Variants in SPDYE17 observed in about 807,000 individuals in gnomAD.
The protein encoded by SPDYE17 is speedy/RINGO cell cycle regulator family member E17, also known as speedy protein E17.
For missense variants in SPDYE17, 7 were observed against 38.0 expected (o/e 0.18, Z 2.15); for synonymous variants, 4 against 14.8 (o/e 0.27, Z 1.68).
Position 77,029,799 on chromosome 7 carries a change from C to T in SPDYE17, c.131-348G>A, listed in dbSNP as rs1430056371. 4.0e-4 allele frequency among the ~76,000 whole-genome samples: 50 copies of T among 124,730 alleles called. 6 individuals carry two copies. The highest frequency in any genetic ancestry group is 1.3e-3 in the African/African-American group (46 of 34,518). The allele number at this position is 124,730 out of a possible 152,430, so 81.8% of individuals were successfully genotyped here. A position where few individuals can be genotyped will look rare whatever the true frequency, so the allele number is the denominator to read the frequency against. ...TCAGCTCACTGCAACATCCATCTCC[C>T]GGATTCCATTTATTCTCCTGCCTCA... On this transcript the variant is annotated intron_variant, in intron 2 of 7. Coordinates refer to ENST00000671986, the MANE Select transcript of SPDYE17 (RefSeq NM_001351351.3).
intron 4 of SPDYE17, 122 bp downstream of exon 4, chr7:77,028,018 CAA>C (rs532664858): frequency 1.5e-6 from 1 of 660,616 alleles, no homozygotes; most frequent in Non-Finnish European, 2.2e-6. Flanking sequence ...AAAACAAAAA[CAA>C]AAAAAAACTG....
rs1216307298 is a variant in SPDYE17, at chr7:77,029,903, C to T, written c.131-452G>A. 1.6e-5 allele frequency among the ~76,000 whole-genome samples: 2 copies of T among 124,808 alleles called. 1 individual carries two copies. The highest frequency in any genetic ancestry group is 2.0e-4 in the Admixed American group (2 of 9,946). 81.9% of individuals were successfully genotyped at this position (124,808 alleles called of 152,430 possible). On this transcript the variant is annotated intron_variant, in intron 2 of 7. Transcript: ENST00000671986. ...TGTACTTTTAATAGAGACAGGGTTT[C>T]ACCATGTTGGCCAGGCTGGTCTCAA...
rs1359019426 is a variant in SPDYE17, at chr7:77,027,636, C to T, written c.408+506G>A. Among the ~76,000 whole-genome samples the T allele has an allele frequency of 3.5e-4, 29 of 82,424 alleles. 8 individuals carry two copies. The highest frequency in any genetic ancestry group is 3.4e-3 in the South Asian group (7 of 2,082). 54.1% of individuals were successfully genotyped at this position (82,424 alleles called of 152,430 possible). On this transcript the variant is annotated intron_variant, in intron 4 of 7. Coordinates refer to ENST00000671986, the MANE Select transcript of SPDYE17 (RefSeq NM_001351351.3). ...AGTGAGCTATGATCATGCCACTGTA[C>T]TCCATCCTGGGGAGCAGAGCTGGAC... is the stretch of plus-strand genomic sequence containing the variant.
rs1382449174 is a variant in SPDYE17, at chr7:77,032,241, T to C, written c.-455A>G. 2.5e-5 allele frequency among the ~76,000 whole-genome samples: 3 copies of C among 122,248 alleles called. 1 individual carries two copies. Among genetic ancestry groups the C allele is most frequent in the Admixed American group, 2.0e-4 (2 of 10,134 alleles). The allele number at this position is 122,248 out of a possible 152,430, so 80.2% of individuals were successfully genotyped here. A position where few individuals can be genotyped will look rare whatever the true frequency, so the allele number is the denominator to read the frequency against. On this transcript the variant is annotated splice_region_variant and 5_prime_UTR_variant, in exon 1 of 8. Transcript: ENST00000671986. ...AAAAAAAAAACAAACAAAAAGAACC[T>C]GTGGATGAGTTCCCACATGGCTTCC...
rs1554337099 is a variant in SPDYE17, at chr7:77,032,222, A to AAAC, written c.-454+17_-454+18insGTT. On this transcript the variant is annotated intron_variant, in intron 1 of 7. Transcript: ENST00000671986. ...CAAAACTACATCTCAAAAAAAAAAA[A>AAAC]AAACAAACAAAAAGAACCTGTGGAT... Among the ~76,000 whole-genome samples the AAAC allele has an allele frequency of 1.2e-4, 14 of 119,272 alleles. No individual in the cohort carries two copies. Among genetic ancestry groups the AAAC allele is most frequent in the African/African-American group, 3.2e-4 (10 of 31,136 alleles). 78.2% of individuals were successfully genotyped at this position (119,272 alleles called of 152,430 possible).
intron 5 of SPDYE17, among the ~76,000 whole-genome samples, chr7:77,026,579 G>A (rs1789436740): frequency 2.0e-5 from 3 of 149,670 alleles, no homozygotes; most frequent in South Asian, 4.3e-4. Context: ...AACCGGAAAC[G>A]TCTGCTTGCT....
rs2117274746 is a variant in SPDYE17 at position 77,022,582 on chromosome 7, A to G, written c.*1251T>C. ...GTAATATATATGTTAACTAAGTATC[A>G]TAGATAAAAACCATGCTCCCTTCAG... On this transcript the variant is annotated 3_prime_UTR_variant, in exon 8 of 8. Coordinates refer to ENST00000671986, the MANE Select transcript of SPDYE17 (RefSeq NM_001351351.3). Among the ~76,000 whole-genome samples, 3 of 83,126 alleles carry G rather than the reference A, an allele frequency of 3.6e-5. 1 individual carries two copies. The Middle Eastern group carries it at 0.019, about 526-fold the overall frequency. The allele number at this position is 83,126 out of a possible 152,430, so 54.5% of individuals were successfully genotyped here.
At chr7:77,026,575 A>T (rs1305608825) in intron 5 of SPDYE17, among the ~76,000 whole-genome samples, 1 of 149,630 alleles carries the variant, frequency 6.7e-6, no homozygotes, top group African/African-American at 2.5e-5. Flanking sequence ...GAACAACCGG[A>T]AACGTCTGCT....
At chr7:77,028,038 A>G (rs1789462394) in intron 4 of SPDYE17, 104 bp downstream of exon 4, 3 of 846,928 alleles carry the variant, frequency 3.5e-6, no homozygotes, top group South Asian at 1.8e-5. Context: ...CTGTAGGAGC[A>G]TCTGGTGGGA....
chr7:77,026,457 T>C (rs1789433828), intron 5 of SPDYE17, among the ~76,000 whole-genome samples: 1 of 148,952 alleles, frequency 6.7e-6, no homozygotes, highest in South Asian at 2.2e-4. Flanking sequence ...CAGGGAGCAT[T>C]TGACAGTGGA....
chr7:77,029,976 G>A (rs1411354628), intron 2 of SPDYE17, among the ~76,000 whole-genome samples: 1 of 122,912 alleles, frequency 8.1e-6, no homozygotes, highest in African/African-American at 3.0e-5. Flanking sequence ...CAAAGTGCTG[G>A]GATTACAAGT....
rs1789463397 is a variant in SPDYE17 at position 77,028,106 on chromosome 7, A to G, written c.408+36T>C. 1.8e-5 allele frequency: 25 copies of G among 1,380,368 alleles called. 5 individuals carry two copies. In the Admixed American group the frequency reaches 4.8e-4, roughly 26 times the overall value. 85.5% of individuals were successfully genotyped at this position (1,380,368 alleles called of 1,614,324 possible). A position where few individuals can be genotyped will look rare whatever the true frequency, so the allele number is the denominator to read the frequency against. On this transcript the variant is annotated intron_variant, in intron 4 of 7. Transcript: ENST00000671986. Reference sequence around the variant, plus strand: ...TGCGCCCTCTCCCTGGCCGTGCGTTAGAACAGGAACACAGTTACATAGAGA... The same window carrying G: ...TGCGCCCTCTCCCTGGCCGTGCGTTGGAACAGGAACACAGTTACATAGAGA...
chr7:77,023,117 C>A lies in SPDYE17; in HGVS notation c.*716G>T. Among the ~76,000 whole-genome samples the A allele has an allele frequency of 1.7e-5, 1 of 57,258 alleles. No individual in the cohort carries two copies. Among genetic ancestry groups the A allele is most frequent in the Non-Finnish European group, 3.8e-5 (1 of 26,092 alleles). 37.6% of individuals were successfully genotyped at this position (57,258 alleles called of 152,430 possible). On this transcript the variant is annotated 3_prime_UTR_variant, in exon 8 of 8. Transcript: ENST00000671986. Reference sequence around the variant, plus strand: ...ATAAAAAGAGTGCTCGCTTCAGGAGCACATATAATAATACAGAAAAAAATT... The same window carrying A: ...ATAAAAAGAGTGCTCGCTTCAGGAGAACATATAATAATACAGAAAAAAATT...
In SPDYE17 at chr7:77,032,343, C is replaced by CTATGGAAGTCCCATTGT. The variant is rs1789502150; in HGVS notation, c.-574_-558dup. Among the ~76,000 whole-genome samples the CTATGGAAGTCCCATTGT allele has an allele frequency of 7.5e-6, 1 of 133,814 alleles. No homozygotes were observed. The highest frequency in any genetic ancestry group is 2.9e-4 in the South Asian group (1 of 3,500). The allele number at this position is 133,814 out of a possible 152,430, so 87.8% of individuals were successfully genotyped here. On this transcript the variant is annotated 5_prime_UTR_variant, in exon 1 of 8. The change creates a new upstream start codon in the 5' untranslated region. Coordinates refer to ENST00000671986, the MANE Select transcript of SPDYE17 (RefSeq NM_001351351.3). ...CTGAATGCGGAAGGAAATCCCATTG[C>CTATGGAAGTCCCATTGT]TATGGAAGTCCCATTGTTAGGAAGC... is the stretch of plus-strand genomic sequence containing the variant.
At chr7:77,025,983 C>T (rs1583954621) in intron 5 of SPDYE17, among the ~76,000 whole-genome samples, 1 of 136,708 alleles carries the variant, frequency 7.3e-6, no homozygotes, top group South Asian at 2.4e-4. Flanking sequence ...CTGCCTTCTA[C>T]AGGCATCTAG....
At chr7:77,029,859 A>G (rs980068806) in intron 2 of SPDYE17, among the ~76,000 whole-genome samples, 1 of 128,426 alleles carries the variant, frequency 7.8e-6, no homozygotes, top group Non-Finnish European at 1.6e-5. Flanking sequence ...GGTGCCTGCC[A>G]TAATGCCCAG....
At position 77,029,698 on chromosome 7, in the gene SPDYE17, C is replaced by CTTTTTTTTTT. The variant is rs1166509214; in HGVS notation, c.131-257_131-248dup. 1.4e-3 allele frequency among the ~76,000 whole-genome samples: 59 copies of CTTTTTTTTTT among 41,602 alleles called. 3 individuals are homozygous for CTTTTTTTTTT. Among genetic ancestry groups the CTTTTTTTTTT allele is most frequent in the African/African-American group, 3.8e-3 (23 of 6,094 alleles). 27.3% of individuals were successfully genotyped at this position (41,602 alleles called of 152,430 possible). A position where few individuals can be genotyped will look rare whatever the true frequency, so the allele number is the denominator to read the frequency against. Reference sequence around the variant, plus strand: ...CTGGTCCCTGGCTCTCTGAGTCCCTCTTTTTTTTTTTTTTTTTTTTTGTTT... The same window carrying CTTTTTTTTTT: ...CTGGTCCCTGGCTCTCTGAGTCCCTCTTTTTTTTTTTTTTTTTTTTTTTTTTTTTTTGTTT... On this transcript the variant is annotated intron_variant, in intron 2 of 7. Coordinates refer to ENST00000671986, the MANE Select transcript of SPDYE17 (RefSeq NM_001351351.3).
intron 3 of SPDYE17, 47 bp downstream of exon 3, chr7:77,029,186 C>T: frequency 3.4e-5 from 1 of 29,156 alleles, no homozygotes; most frequent in East Asian, 1.3e-3. Context: ...GAAGTTTCCT[C>T]TTTAGAAAGA....
Position 77,032,242 on chromosome 7 carries a change from G to T in SPDYE17, c.-456C>A, listed in dbSNP as rs1387535547. 3.2e-5 allele frequency among the ~76,000 whole-genome samples: 4 copies of T among 124,582 alleles called. 2 individuals are homozygous for T. The highest frequency in any genetic ancestry group is 1.2e-4 in the African/African-American group (4 of 33,876). 81.7% of individuals were successfully genotyped at this position (124,582 alleles called of 152,430 possible). A position where few individuals can be genotyped will look rare whatever the true frequency, so the allele number is the denominator to read the frequency against. ...AAAAAAAAACAAACAAAAAGAACCT[G>T]TGGATGAGTTCCCACATGGCTTCCT... On this transcript the variant is annotated splice_region_variant and 5_prime_UTR_variant, in exon 1 of 8. Transcript: ENST00000671986.
Sources: gnomAD v4.1 joint callset for allele counts (sites outside exome capture counted in the v4.1 genomes callset) on GRCh38, gnomAD v4.1.1 for gene constraint, MANE v1.5 for transcripts, NCBI Gene and HGNC (gene_info 2026-07-23, HGNC 2026-07-21) for gene names.